Variants in CEP85L observed in about 807,000 individuals in gnomAD.
The protein encoded by CEP85L is centrosomal protein of 85 kDa-like.
CEP85L carries 60 observed loss-of-function variants against 100.3 expected under a neutral mutation model. The observed-to-expected ratio is 0.60, with a 90% confidence interval of 0.49 to 0.74. The LOEUF (loss-of-function observed/expected upper bound fraction) is 0.74, where lower values mean the gene tolerates loss of function less well. Among genes scored for constraint, CEP85L ranks in the 30% least tolerant of loss-of-function variants. CEP85L has a pLI of 0.00. For missense variants in CEP85L, 973 were observed against 936.2 expected (o/e 1.04, Z -0.51); for synonymous variants, 319 against 322.7 (o/e 0.99, Z 0.12).
At chr6:118,699,684 T>C (rs886332739) in intron 1 of CEP85L, among the ~76,000 whole-genome samples, 1 of 151,930 alleles carries the variant, frequency 6.6e-6, no homozygotes, top group Admixed American at 6.6e-5. Flanking sequence ...ATTATTATTA[T>C]TACTACTATT....
intron 3 of CEP85L, among the ~76,000 whole-genome samples, chr6:118,563,265 C>T (rs772777700): frequency 9.2e-5 from 14 of 152,168 alleles, no homozygotes; most frequent in Non-Finnish European, 2.1e-4. Flanking sequence ...AATCAAGGAA[C>T]AACACACACA....
At chr6:118,502,041 A>G in intron 5 of CEP85L, 1 of 837,824 alleles carries the variant, frequency 1.2e-6, no homozygotes, top group Non-Finnish European at 2.0e-6. Flanking sequence ...CAGATGGAAC[A>G]AGAAGACTGG....
chr6:118,556,457 C>A (rs1778882434), intron 3 of CEP85L, among the ~76,000 whole-genome samples: 1 of 152,148 alleles, frequency 6.6e-6, no homozygotes, highest in Non-Finnish European at 1.5e-5. Flanking sequence ...CCAAGTTGAA[C>A]ACTACAGAAT....
intron 5 of CEP85L, among the ~76,000 whole-genome samples, chr6:118,508,743 C>A (rs1775801704): frequency 6.6e-6 from 1 of 151,952 alleles, no homozygotes; most frequent in African/African-American, 2.4e-5. Context: ...ACATTAATTT[C>A]AATAATTATT....
chr6:118,537,454 CTCTACCCTAAT>C (rs964276692), intron 3 of CEP85L: 1 of 941,062 alleles, frequency 1.1e-6, no homozygotes, highest in African/African-American at 1.8e-5. Flanking sequence ...ACACACTGTT[CTCTACCCTAAT>C]GTAGGCATGT....
At chr6:118,670,254 G>T (rs1182038773) in intron 1 of CEP85L, among the ~76,000 whole-genome samples, 2 of 151,444 alleles carry the variant, frequency 1.3e-5, no homozygotes, top group Non-Finnish European at 2.9e-5. Context: ...TTAGGTTCAG[G>T]GGTACGAGTG....
intron 12 of CEP85L, among the ~76,000 whole-genome samples, chr6:118,466,525 C>T (rs1476911941): frequency 6.6e-6 from 1 of 152,146 alleles, no homozygotes; most frequent in African/African-American, 2.4e-5. Context: ...CTAGTCCTAA[C>T]TGGAGAGGTA....
chr6:118,553,344 T>C (rs746635770), intron 3 of CEP85L, among the ~76,000 whole-genome samples: 2 of 152,144 alleles, frequency 1.3e-5, no homozygotes, highest in African/African-American at 2.4e-5. Flanking sequence ...AATAGGATTC[T>C]GCTGTTCCCA....
intron 2 of CEP85L, among the ~76,000 whole-genome samples, chr6:118,590,670 T>TC (rs1781137405): frequency 6.6e-6 from 1 of 152,102 alleles, no homozygotes; most frequent in African/African-American, 2.4e-5. Flanking sequence ...GGAGCCCCCC[T>TC]CCATCTCTGT....
chr6:118,562,854 A>T (rs1779301736), intron 3 of CEP85L, among the ~76,000 whole-genome samples: 1 of 152,196 alleles, frequency 6.6e-6, no homozygotes. Flanking sequence ...CTATTATTTC[A>T]CTACTGTCTG....
At chr6:118,703,340 T>C (rs1033076357) in intron 1 of CEP85L, among the ~76,000 whole-genome samples, 2 of 152,232 alleles carry the variant, frequency 1.3e-5, no homozygotes, top group African/African-American at 4.8e-5. Context: ...TAAGGATTCA[T>C]GTTCTATCAT....
intron 3 of CEP85L, among the ~76,000 whole-genome samples, chr6:118,546,151 C>A (rs1388496374): frequency 6.6e-6 from 1 of 152,088 alleles, no homozygotes; most frequent in Non-Finnish European, 1.5e-5. Context: ...TAGAGTTCCA[C>A]ATGAGATCAT....
Position 118,566,202 on chromosome 6 carries a change from TC to T in CEP85L, c.346del (p.Glu116AsnfsTer3). ...NSSASISKLR[E>X]SLTPDGSKWS... ...TTTTGAGCCATCTGGTGTCAATGATTCCCTAAGTTTGGAAATTGAAGCGCTG... is the reference window on the plus strand; with the variant it reads ...TTTTGAGCCATCTGGTGTCAATGATTCCTAAGTTTGGAAATTGAAGCGCTG... On this transcript the variant is annotated frameshift_variant, in exon 3 of 13. Transcript: ENST00000368491. LOFTEE classifies it high-confidence loss of function. The T allele has an allele frequency of 1.2e-6, 2 of 1,614,186 alleles. No homozygotes were observed. Among genetic ancestry groups the T allele is most frequent in the South Asian group, 1.1e-5 (1 of 91,080 alleles).
intron 2 of CEP85L, among the ~76,000 whole-genome samples, chr6:118,579,498 C>T (rs946290454): frequency 6.6e-6 from 1 of 152,166 alleles, no homozygotes; most frequent in African/African-American, 2.4e-5. Context: ...AAGATTAAGT[C>T]TCATCAGGCA....
intron 1 of CEP85L, among the ~76,000 whole-genome samples, chr6:118,692,293 T>C (rs1257498742): frequency 6.6e-6 from 1 of 152,204 alleles, no homozygotes; most frequent in Non-Finnish European, 1.5e-5. Context: ...TTTTGTTACA[T>C]TCTAACCTTC....
upstream of CEP85L, among the ~76,000 whole-genome samples, chr6:118,655,758 C>T (rs908713016): frequency 6.6e-6 from 1 of 152,202 alleles, no homozygotes; most frequent in Non-Finnish European, 1.5e-5. Context: ...CAACAGTGTA[C>T]AGCTGGCAGT....
At chr6:118,529,620 A>AAAAAAAAAC (rs1777177057) in intron 3 of CEP85L, among the ~76,000 whole-genome samples, 1 of 106,100 alleles carries the variant, frequency 9.4e-6, no homozygotes, top group African/African-American at 3.2e-5. Flanking sequence ...AAAAAAAAAA[A>AAAAAAAAAC]AAAAAAAAAA....
chr6:118,490,226 A>G (rs113480591), intron 6 of CEP85L, among the ~76,000 whole-genome samples: 2 of 152,314 alleles, frequency 1.3e-5, no homozygotes, highest in African/African-American at 2.4e-5. Flanking sequence ...CGATGCATAC[A>G]AAGTTTCAAT....
chr6:118,684,816 T>A (rs1413908260), intron 1 of CEP85L, among the ~76,000 whole-genome samples: 5 of 152,148 alleles, frequency 3.3e-5, no homozygotes, highest in Admixed American at 6.5e-5. Flanking sequence ...AATTTTATTT[T>A]TTATTATTAT....
Sources: gnomAD v4.1 joint callset for allele counts (sites outside exome capture counted in the v4.1 genomes callset) on GRCh38, gnomAD v4.1.1 for gene constraint, MANE v1.5 for transcripts, NCBI Gene and HGNC (gene_info 2026-07-23, HGNC 2026-07-21) for gene names.